The following LAMC1 variants were observed in gnomAD, a reference collection of about 807,000 sequenced individuals.
The protein encoded by LAMC1 is laminin subunit gamma 1, also known as laminin subunit gamma-1.
In LAMC1, 38 loss-of-function variants were observed where a neutral mutation model predicts 173.6. The observed-to-expected ratio is 0.22, with a 90% confidence interval of 0.17 to 0.29. The LOEUF (loss-of-function observed/expected upper bound fraction) is 0.29. LAMC1 is among the 10% of genes least tolerant of loss of function. LAMC1 has a pLI of 1.00. For missense variants in LAMC1, 1,824 were observed against 2,051.8 expected (o/e 0.89, Z 2.14); for synonymous variants, 746 against 749.1 (o/e 1.00, Z 0.07).
At chr1:183,139,523 C>T (rs1657048050) in intron 26 of LAMC1, among the ~76,000 whole-genome samples, 1 of 152,188 alleles carries the variant, frequency 6.6e-6, no homozygotes, top group Non-Finnish European at 1.5e-5. Flanking sequence ...GCCGTTTGGA[C>T]AGAGATTAAT....
In LAMC1 at chr1:183,128,725, C is replaced by T. The variant is rs944742233; in HGVS notation, c.3255C>T (p.Leu1085=). The T allele has an allele frequency of 1.9e-6, 3 of 1,613,252 alleles. No individual in the cohort carries two copies. The highest frequency in any genetic ancestry group is 1.7e-5 in the Admixed American group (1 of 60,002). Residue 1085 remains leucine (L), a synonymous_variant, in exon 18 of 28, where the codon CTC becomes CTT. Coordinates refer to ENST00000258341, the MANE Select transcript of LAMC1 (RefSeq NM_002293.4). ...AAGCAGAGAGGGAAGTTATGGACCT[C>T]CTTCGTGAGGCCCAGGATGTCAAAG... ...LKEAEREVMD[L]LREAQDVKDV...
intron 1 of LAMC1, among the ~76,000 whole-genome samples, chr1:183,054,235 A>T (rs1654521511): frequency 6.6e-6 from 1 of 152,170 alleles, no homozygotes; most frequent in South Asian, 2.1e-4. Flanking sequence ...TCTTAGATTA[A>T]TTTAATCCTC....
chr1:183,035,195 AT>A (rs1276440457), intron 1 of LAMC1, among the ~76,000 whole-genome samples: 1 of 152,158 alleles, frequency 6.6e-6, no homozygotes, highest in Admixed American at 6.5e-5. Flanking sequence ...AATTAAAAAA[AT>A]ATATATGTTT....
chr1:183,103,516 G>A lies in LAMC1; in HGVS notation c.607G>A (p.Ala203Thr), dbSNP rs1655890413. 3 of 1,614,184 alleles carry A rather than the reference G, an allele frequency of 1.9e-6. No homozygotes were observed. Among genetic ancestry groups the A allele is most frequent in the Non-Finnish European group, 2.5e-6 (3 of 1,180,038 alleles). The part of the protein sequence containing the change: ...FIRTGGDEQQ[A>T]LCTDEFSDIS... ...CAGGACAGGAGGGGACGAGCAGCAG[G>A]CCTTGTGTACTGATGAATTCAGTGA... The change falls in exon 2 of 28, where the codon GCC (alanine) becomes ACC (threonine). Residue 203 changes from alanine to threonine, a missense_variant. Ala to Thr is a moderately conservative substitution (Grantham distance 58). Transcript: ENST00000258341.
At chr1:183,085,666 G>A (rs547644907) in intron 1 of LAMC1, among the ~76,000 whole-genome samples, 3 of 152,174 alleles carry the variant, frequency 2.0e-5, no homozygotes, top group Admixed American at 1.3e-4. Flanking sequence ...CAGCATTCCC[G>A]GCTGTATACT....
chr1:183,132,310 TAA>T, intron 20 of LAMC1, 88 bp from the exon 21 acceptor site: 6 of 803,598 alleles, frequency 7.5e-6, no homozygotes, highest in Non-Finnish European at 1.1e-5. Flanking sequence ...ATAATAATAA[TAA>T]TAATAATAAA....
At chr1:183,111,885 A>G (rs1656167747) in intron 4 of LAMC1, among the ~76,000 whole-genome samples, 1 of 152,092 alleles carries the variant, frequency 6.6e-6, no homozygotes, top group African/African-American at 2.4e-5. Flanking sequence ...AAATAGAAAA[A>G]TTAGCCAGGT....
intron 1 of LAMC1, among the ~76,000 whole-genome samples, chr1:183,076,303 C>CT (rs1160993572): frequency 6.6e-6 from 1 of 152,152 alleles, no homozygotes; most frequent in African/African-American, 2.4e-5. Flanking sequence ...TTTCAGCTTC[C>CT]TTTCGTTTTC....
At chr1:183,130,666 T>C in intron 19 of LAMC1, 117 bp downstream of exon 19, 4 of 765,404 alleles carry the variant, frequency 5.2e-6, no homozygotes. Context: ...ATCTTTTTAT[T>C]TGTCCCTAAA....
intron 1 of LAMC1, among the ~76,000 whole-genome samples, chr1:183,067,256 TA>T (rs1305788854): frequency 2.6e-5 from 4 of 151,974 alleles, no homozygotes; most frequent in Admixed American, 6.6e-5. Context: ...TTTCAGAAAT[TA>T]AAAAAAATCT....
chr1:183,102,166 C>T (rs1158245864), intron 1 of LAMC1, among the ~76,000 whole-genome samples: 1 of 152,188 alleles, frequency 6.6e-6, no homozygotes, highest in Non-Finnish European at 1.5e-5. Context: ...GGAATCGCTC[C>T]TTGTCTCTCA....
intron 26 of LAMC1, 130 bp from the exon 27 acceptor site, chr1:183,140,270 TGAGA>T: frequency 1.0e-5 from 1 of 98,162 alleles, no homozygotes. Context: ...AAAAAAGCAA[TGAGA>T]GGTTTCAATT....
At chr1:183,136,958 T>A (rs940163359) in intron 25 of LAMC1, among the ~76,000 whole-genome samples, 1 of 152,222 alleles carries the variant, frequency 6.6e-6, no homozygotes, top group Non-Finnish European at 1.5e-5. Context: ...AATATAACTT[T>A]CAAGTCCCCC....
At chr1:183,100,903 A>G (rs147706905) in intron 1 of LAMC1, among the ~76,000 whole-genome samples, 1 of 152,352 alleles carries the variant, frequency 6.6e-6, no homozygotes, top group African/African-American at 2.4e-5. Context: ...CAGCAAGGCC[A>G]GGCCAGCACC....
Position 183,024,015 on chromosome 1 carries a change from A to G in LAMC1, c.299A>G (p.Gln100Arg). 2.5e-6 allele frequency: 4 copies of G among 1,613,096 alleles called. No individual in the cohort carries two copies. Among genetic ancestry groups the G allele is most frequent in the African/African-American group, 2.7e-5 (2 of 75,068 alleles). Residue 100 changes from glutamine to arginine, a missense_variant, in exon 1 of 28, where the codon CAG becomes CGG. By Grantham distance (43) the Gln-to-Arg change is conservative (BLOSUM62 1). Transcript: ENST00000258341. ...TGCGACGCCGGGCAGCCCCACCTGCAGCACGGGGCAGCCTTCCTGACCGAC... is the reference window on the plus strand; with the variant it reads ...TGCGACGCCGGGCAGCCCCACCTGCGGCACGGGGCAGCCTTCCTGACCGAC... ...HLCDAGQPHLQHGAAFLTDYN... is the reference protein window; with the variant it reads ...HLCDAGQPHLRHGAAFLTDYN...
chr1:183,122,557 T>C (rs775129689), intron 13 of LAMC1, among the ~76,000 whole-genome samples: 4 of 152,182 alleles, frequency 2.6e-5, no homozygotes, highest in Non-Finnish European at 4.4e-5. Context: ...TAAGTTTGTA[T>C]TTCCAGCCCT....
In LAMC1 at chr1:183,108,146, A is replaced by C; in HGVS notation, c.724-130A>C. The C allele has an allele frequency of 4.0e-6, 3 of 750,944 alleles. No individual in the cohort carries two copies. The South Asian group carries it at 4.8e-5, about 12-fold the overall frequency. The allele number at this position is 750,944 out of a possible 1,614,324, so 46.5% of individuals were successfully genotyped here. On this transcript the variant is annotated intron_variant, in intron 2 of 27. Transcript: ENST00000258341. ...AATTAAAGAAGTCATTGAGTATTATAATAGATTTAGTGCTAAAGAGGGCGT... is the reference window on the plus strand; with the variant it reads ...AATTAAAGAAGTCATTGAGTATTATCATAGATTTAGTGCTAAAGAGGGCGT...
At chr1:183,110,234 C>G (rs1156390464) in intron 3 of LAMC1, among the ~76,000 whole-genome samples, 1 of 152,172 alleles carries the variant, frequency 6.6e-6, no homozygotes, top group Non-Finnish European at 1.5e-5. Context: ...AGGAATTGAT[C>G]CTACAGGTAG....
chr1:183,106,166 C>T (rs1476650270), intron 2 of LAMC1, among the ~76,000 whole-genome samples: 4 of 152,062 alleles, frequency 2.6e-5, no homozygotes, highest in Non-Finnish European at 5.9e-5. Flanking sequence ...GGTCTAGCTC[C>T]GGGGTCTGTT....
Sources: gnomAD v4.1 joint callset for allele counts (sites outside exome capture counted in the v4.1 genomes callset) on GRCh38, gnomAD v4.1.1 for gene constraint, MANE v1.5 for transcripts, NCBI Gene and HGNC (gene_info 2026-07-23, HGNC 2026-07-21) for gene names.